The following ATF6 variants were observed in gnomAD, a reference collection of about 807,000 sequenced individuals.
ATF6 encodes activating transcription factor 6.
ATF6 carries 53 observed loss-of-function variants against 83.6 expected under a neutral mutation model. The observed-to-expected ratio is 0.63, with a 90% confidence interval of 0.51 to 0.80. The LOEUF is 0.80. Among genes scored for constraint, ATF6 ranks in the 30% least tolerant of loss-of-function variants. ATF6 has a pLI of 0.00. For missense variants in ATF6, 744 were observed against 797.9 expected (o/e 0.93, Z 0.81); for synonymous variants, 288 against 285.8 (o/e 1.01, Z -0.08).
At chr1:161,914,376 C>T (rs530501271) in intron 15 of ATF6, among the ~76,000 whole-genome samples, 1 of 152,182 alleles carries the variant, frequency 6.6e-6, no homozygotes, top group Non-Finnish European at 1.5e-5. Context: ...TGTCACATCA[C>T]ACTTTACTCC....
chr1:161,889,330 G>A (rs1687499139), intron 14 of ATF6, among the ~76,000 whole-genome samples: 1 of 152,112 alleles, frequency 6.6e-6, no homozygotes, highest in Non-Finnish European at 1.5e-5. Flanking sequence ...TTTTCCATGG[G>A]GTCCACTGAG....
At chr1:161,832,257 T>C (rs1004830467) in intron 9 of ATF6, among the ~76,000 whole-genome samples, 6 of 152,038 alleles carry the variant, frequency 3.9e-5, no homozygotes, top group African/African-American at 1.2e-4. Context: ...ATAAAAACAA[T>C]GACCAGGTTA....
intron 12 of ATF6, among the ~76,000 whole-genome samples, chr1:161,857,279 T>C (rs868681373): frequency 6.6e-6 from 1 of 152,322 alleles, no homozygotes; most frequent in Middle Eastern, 3.4e-3. Context: ...GAACTGACAT[T>C]TCTTTGAAAT....
intron 14 of ATF6, among the ~76,000 whole-genome samples, chr1:161,875,434 C>T (rs1687195603): frequency 1.3e-5 from 2 of 151,760 alleles, no homozygotes; most frequent in South Asian, 4.2e-4. Context: ...CTGAGTTATG[C>T]AGATCTTCCA....
At chr1:161,909,789 T>C (rs1313284453) in intron 14 of ATF6, among the ~76,000 whole-genome samples, 1 of 152,094 alleles carries the variant, frequency 6.6e-6, no homozygotes, top group African/African-American at 2.4e-5. Context: ...ACCCCGTCTC[T>C]ACTAAAAATA....
intron 3 of ATF6, among the ~76,000 whole-genome samples, chr1:161,783,380 C>T (rs1684679383): frequency 1.3e-5 from 2 of 152,088 alleles, no homozygotes; most frequent in Non-Finnish European, 2.9e-5. Context: ...AAAACACAGT[C>T]TGCCATCCCC....
intron 1 of ATF6, among the ~76,000 whole-genome samples, chr1:161,776,552 C>G (rs1309083164): frequency 2.6e-5 from 4 of 152,034 alleles, no homozygotes; most frequent in Non-Finnish European, 1.5e-5. Context: ...ACAGAGCTGA[C>G]AGAATTTTCT....
intron 15 of ATF6, among the ~76,000 whole-genome samples, chr1:161,923,587 A>G (rs940097728): frequency 2.0e-5 from 3 of 152,214 alleles, no homozygotes; most frequent in Non-Finnish European, 2.9e-5. Flanking sequence ...TTGGAATGTT[A>G]TTACTTTGCT....
Position 161,958,644 on chromosome 1 carries a change from C to A in ATF6, c.2003C>A (p.Ser668Ter). The change falls in exon 16 of 16, where the codon TCA becomes TAA. Residue 668 changes from serine (S) to a stop codon, truncating the protein, a stop_gained. Coordinates refer to ENST00000367942, the MANE Select transcript of ATF6 (RefSeq NM_007348.4). LOFTEE classifies it high-confidence loss of function. The part of the protein sequence containing the change: ...ATHVVSTIPE[S>*]LQ Reference sequence around the variant, plus strand: ...CACGTTGTCAGCACCATCCCTGAGTCATTACAATAGCACCCTGCAGCTATG... The same window carrying A: ...CACGTTGTCAGCACCATCCCTGAGTAATTACAATAGCACCCTGCAGCTATG... 6.2e-7 allele frequency: 1 copy of A among 1,611,732 alleles called. No individual in the cohort carries two copies. The highest frequency in any genetic ancestry group is 8.5e-7 in the Non-Finnish European group (1 of 1,178,882).
chr1:161,890,660 C>T (rs1013631281), intron 14 of ATF6, among the ~76,000 whole-genome samples: 9 of 152,200 alleles, frequency 5.9e-5, no homozygotes, highest in South Asian at 2.1e-4. Context: ...ATGTGGTCCT[C>T]GATGCTCTAG....
intron 4 of ATF6, among the ~76,000 whole-genome samples, chr1:161,784,452 A>G (rs920699774): frequency 3.9e-5 from 6 of 152,160 alleles, no homozygotes; most frequent in Admixed American, 1.3e-4. Context: ...AGAATGTAAG[A>G]TGGTCAGTTT....
At chr1:161,830,251 G>A (rs1381026829) in intron 9 of ATF6, among the ~76,000 whole-genome samples, 2 of 152,174 alleles carry the variant, frequency 1.3e-5, no homozygotes, top group East Asian at 3.9e-4. Flanking sequence ...GGATGTGAAG[G>A]ACCTCTTCAA....
chr1:161,904,540 AT>A (rs1326095070), intron 14 of ATF6, among the ~76,000 whole-genome samples: 1 of 152,160 alleles, frequency 6.6e-6, no homozygotes, highest in Admixed American at 6.5e-5. Context: ...GTGAGCTGAG[AT>A]TGCGCTACTG....
chr1:161,860,474 T>C (rs1383532197), intron 13 of ATF6, among the ~76,000 whole-genome samples, 197 bp downstream of exon 13: 1 of 151,316 alleles, frequency 6.6e-6, no homozygotes, highest in Non-Finnish European at 1.5e-5. Context: ...AGCCAGATAA[T>C]TTCAAAAGTT....
intron 14 of ATF6, among the ~76,000 whole-genome samples, chr1:161,876,767 G>A (rs71639904): frequency 0.021 from 3,233 of 151,982 alleles, 48 homozygotes; most frequent in Admixed American, 0.034. Context: ...CCACCTTTCC[G>A]TGAGTCATAA....
At position 161,937,905 on chromosome 1, in the gene ATF6, G is replaced by A. The variant is rs114120290; in HGVS notation, c.1805-20541G>A. Among the ~76,000 whole-genome samples the A allele has an allele frequency of 1.0e-4, 15 of 150,730 alleles. No homozygotes were observed. In the East Asian group the frequency reaches 1.2e-3, roughly 12 times the overall value. ...AAAAGATAATAAAAAAAAAAATCAC[G>A]CCACTCCTCTGTTCAGAACTTACCA... On this transcript the variant is annotated intron_variant, in intron 15 of 15. Coordinates refer to ENST00000367942, the MANE Select transcript of ATF6 (RefSeq NM_007348.4).
intron 15 of ATF6, among the ~76,000 whole-genome samples, chr1:161,931,556 A>G (rs888564428): frequency 7.5e-6 from 1 of 133,212 alleles, no homozygotes; most frequent in African/African-American, 2.6e-5. Flanking sequence ...TTTTAGTACA[A>G]TTTTAGAACA....
chr1:161,927,101 G>T (rs941221393), intron 15 of ATF6, among the ~76,000 whole-genome samples: 18 of 151,854 alleles, frequency 1.2e-4, no homozygotes, highest in African/African-American at 4.4e-4. Context: ...TGGAAAACAA[G>T]GCATACATAG....
At chr1:161,877,406 A>G (rs1464855128) in intron 14 of ATF6, among the ~76,000 whole-genome samples, 1 of 152,148 alleles carries the variant, frequency 6.6e-6, no homozygotes, top group Non-Finnish European at 1.5e-5. Flanking sequence ...GATATCTCAA[A>G]CATGGGGGGA....
Sources: gnomAD v4.1 joint callset for allele counts (sites outside exome capture counted in the v4.1 genomes callset) on GRCh38, gnomAD v4.1.1 for gene constraint, MANE v1.5 for transcripts, NCBI Gene and HGNC (gene_info 2026-07-23, HGNC 2026-07-21) for gene names.